Variants in PARP8 observed in about 807,000 individuals in gnomAD.
PARP8 encodes the protein protein mono-ADP-ribosyltransferase PARP8.
In PARP8, 51 loss-of-function variants were observed where a neutral mutation model predicts 124.1. The ratio of observed to expected loss-of-function variants is 0.41; its 90% confidence interval spans 0.33 to 0.52. The LOEUF (loss-of-function observed/expected upper bound fraction) is 0.52, where lower values mean the gene tolerates loss of function less well. Among genes scored for constraint, PARP8 ranks in the 20% least tolerant of loss-of-function variants. PARP8 has a pLI of 0.21. For missense variants in PARP8, 860 were observed against 1,018.9 expected (o/e 0.84, Z 2.12); for synonymous variants, 391 against 361.5 (o/e 1.08, Z -0.93).
chr5:50,820,697 C>T (rs543639894), intron 15 of PARP8, among the ~76,000 whole-genome samples: 4 of 152,308 alleles, frequency 2.6e-5, no homozygotes, highest in East Asian at 3.9e-4. Flanking sequence ...GCCAGATGGT[C>T]GCATGTCTCC....
intron 3 of PARP8, among the ~76,000 whole-genome samples, chr5:50,755,241 A>T (rs1447449722): frequency 6.6e-6 from 1 of 152,206 alleles, no homozygotes; most frequent in Non-Finnish European, 1.5e-5. Context: ...TGTTTTAGAC[A>T]TGAAGTCCTT....
intron 2 of PARP8, among the ~76,000 whole-genome samples, chr5:50,715,207 C>T (rs905354308): frequency 2.0e-5 from 3 of 151,962 alleles, no homozygotes; most frequent in South Asian, 4.1e-4. Flanking sequence ...AGTGCAAAAG[C>T]GTCTCACATG....
At chr5:50,726,559 G>A (rs548440084) in intron 2 of PARP8, among the ~76,000 whole-genome samples, 1 of 152,266 alleles carries the variant, frequency 6.6e-6, no homozygotes, top group East Asian at 1.9e-4. Context: ...AATCCACTGG[G>A]AACAAAGCCC....
At chr5:50,709,965 TATATACAC>T (rs1195812078) in intron 2 of PARP8, among the ~76,000 whole-genome samples, 2 of 119,050 alleles carry the variant, frequency 1.7e-5, no homozygotes, top group African/African-American at 6.1e-5. Flanking sequence ...TACACATACA[TATATACAC>T]ACACACACAT....
intron 2 of PARP8, among the ~76,000 whole-genome samples, chr5:50,737,065 G>A (rs1378925816): frequency 1.3e-5 from 2 of 152,108 alleles, no homozygotes; most frequent in Non-Finnish European, 2.9e-5. Context: ...CAGTACTTAT[G>A]TATATAATTG....
At chr5:50,685,233 C>T (rs1751729197) in intron 2 of PARP8, among the ~76,000 whole-genome samples, 1 of 152,106 alleles carries the variant, frequency 6.6e-6, no homozygotes, top group Non-Finnish European at 1.5e-5. Flanking sequence ...GACAGAATAC[C>T]CAACTCAGAC....
chr5:50,712,492 A>C (rs945253465), intron 2 of PARP8, among the ~76,000 whole-genome samples: 5 of 152,166 alleles, frequency 3.3e-5, no homozygotes, highest in Non-Finnish European at 5.9e-5. Flanking sequence ...ATTATAAGAA[A>C]TGTACAAAAT....
intron 2 of PARP8, among the ~76,000 whole-genome samples, chr5:50,671,774 C>G (rs1306720228): frequency 1.3e-5 from 2 of 151,768 alleles, no homozygotes; most frequent in African/African-American, 2.4e-5. Flanking sequence ...TGAGAGTTTC[C>G]CAATTAAGGA....
intron 10 of PARP8, among the ~76,000 whole-genome samples, chr5:50,788,979 A>G (rs1200849356): frequency 6.6e-6 from 1 of 152,128 alleles, no homozygotes; most frequent in African/African-American, 2.4e-5. Flanking sequence ...CAGTCCTTCC[A>G]CTGAAGCCTG....
At chr5:50,814,064 G>A (rs2149687297) in intron 14 of PARP8, among the ~76,000 whole-genome samples, 1 of 152,104 alleles carries the variant, frequency 6.6e-6, no homozygotes, top group East Asian at 1.9e-4. Context: ...AAATTCCCAA[G>A]GCCTTTTATG....
chr5:50,715,245 G>A (rs1433566616), intron 2 of PARP8, among the ~76,000 whole-genome samples: 3 of 152,002 alleles, frequency 2.0e-5, no homozygotes, highest in Admixed American at 6.6e-5. Context: ...CACAGTTATC[G>A]CTCTTTAGTA....
chr5:50,789,073 GC>G (rs1741642910), intron 10 of PARP8, among the ~76,000 whole-genome samples: 1 of 152,114 alleles, frequency 6.6e-6, no homozygotes, highest in Non-Finnish European at 1.5e-5. Flanking sequence ...ATTCCTTGGG[GC>G]CCAGAGGTGG....
chr5:50,758,225 G>A (rs1362720773), intron 3 of PARP8, among the ~76,000 whole-genome samples: 2 of 152,032 alleles, frequency 1.3e-5, no homozygotes, highest in South Asian at 2.1e-4. Flanking sequence ...GGTCCCACTC[G>A]ATAAGCATGA....
At position 50,825,975 on chromosome 5, in the gene PARP8, T is replaced by C. The variant is rs537966227; in HGVS notation, c.1929-780T>C. 1.1e-4 allele frequency among the ~76,000 whole-genome samples: 17 copies of C among 152,288 alleles called. No homozygotes were observed. In the East Asian group the frequency reaches 3.3e-3, roughly 29 times the overall value. ...CTTCTTTGTATCTGTTATGATCTGT[T>C]ACTAAATTCTGAAACAATTAAGTAA... On this transcript the variant is annotated intron_variant, in intron 18 of 25. Transcript: ENST00000281631.
At chr5:50,812,814 C>G (rs1744615669) in intron 14 of PARP8, among the ~76,000 whole-genome samples, 1 of 152,158 alleles carries the variant, frequency 6.6e-6, no homozygotes. Flanking sequence ...CTAAATATGG[C>G]TAGCCAGTTT....
At chr5:50,722,424 A>T (rs1755989213) in intron 2 of PARP8, among the ~76,000 whole-genome samples, 1 of 152,036 alleles carries the variant, frequency 6.6e-6, no homozygotes, top group African/African-American at 2.4e-5. Flanking sequence ...GAGGAGGATG[A>T]AGCCTTAGCC....
At chr5:50,794,623 A>G (rs1459261525) in intron 11 of PARP8, among the ~76,000 whole-genome samples, 1 of 152,202 alleles carries the variant, frequency 6.6e-6, no homozygotes, top group African/African-American at 2.4e-5. Flanking sequence ...TGGGATAGAT[A>G]GGAGGGAAAA....
At chr5:50,834,710 A>G (rs1747367554) in intron 24 of PARP8, 3 of 539,144 alleles carry the variant, frequency 5.6e-6, no homozygotes, top group Non-Finnish European at 6.6e-6. Context: ...GTCCCTTTTT[A>G]TTGTTATACC....
In PARP8 at chr5:50,845,371, A is replaced by G. The variant is rs142721955; in HGVS notation, c.*3303A>G. ...ATATGTCATGAAGGGGACACTCAAC[A>G]TTGGGTCATCTACCGTCTAAATAAA... On this transcript the variant is annotated 3_prime_UTR_variant, in exon 26 of 26. Coordinates refer to ENST00000281631, the MANE Select transcript of PARP8 (RefSeq NM_024615.4). 1 of 151,732 alleles carries G rather than the reference A, an allele frequency of 6.6e-6. No homozygotes were observed. Among genetic ancestry groups the G allele is most frequent in the Non-Finnish European group, 1.5e-5 (1 of 67,774 alleles). The allele number at this position is 151,732 out of a possible 1,614,324, so 9.4% of individuals were successfully genotyped here.
Sources: allele counts gnomAD v4.1 joint callset (sites outside exome capture counted in the v4.1 genomes callset), GRCh38; gene constraint gnomAD v4.1.1; transcripts MANE v1.5; gene names NCBI Gene and HGNC (gene_info 2026-07-23, HGNC 2026-07-21).